The following PAXBP1 variants were observed in gnomAD, a reference collection of about 807,000 sequenced individuals.
PAXBP1 encodes PAX3- and PAX7-binding protein 1.
PAXBP1 carries 44 observed loss-of-function variants against 119.9 expected under a neutral mutation model. That is an observed-to-expected ratio of 0.37 (90% CI 0.29 to 0.47). The LOEUF is 0.47. PAXBP1 is among the 20% of genes least tolerant of loss of function. PAXBP1 has a pLI of 0.99. For synonymous variants in PAXBP1, 393 were observed against 406.6 expected (o/e 0.97, Z 0.40); for missense variants, 898 against 1,134.1 (o/e 0.79, Z 2.99).
intron 15 of PAXBP1, 191 bp downstream of exon 15, chr21:32,743,057 T>G: frequency 4.4e-6 from 3 of 676,764 alleles, no homozygotes; most frequent in Non-Finnish European, 5.5e-6. Flanking sequence ...AACTCAGAAA[T>G]CACTTTCTCC....
chr21:32,742,855 T>C (rs1182797516), intron 15 of PAXBP1: 1 of 334,230 alleles, frequency 3.0e-6, no homozygotes, highest in East Asian at 7.8e-5. Flanking sequence ...AGTTAAACTT[T>C]ATCATAGGTA....
At chr21:32,760,034 A>G in intron 5 of PAXBP1, 40 bp from the exon 6 acceptor site, 4 of 1,499,430 alleles carry the variant, frequency 2.7e-6, no homozygotes, top group Non-Finnish European at 3.7e-6. Flanking sequence ...CTGGTAGTTA[A>G]AACTTTGAAA....
At position 32,734,054 on chromosome 21, in the gene PAXBP1, G is replaced by C. The variant is rs2043658632; in HGVS notation, c.*896C>G. On this transcript the variant is annotated 3_prime_UTR_variant, in exon 18 of 18. Transcript: ENST00000331923. ...AAGTTCTCTGAATATTTACAATGTG[G>C]TATAAACATTATAGAAGACCATGGA... 1 of 152,590 alleles carries C rather than the reference G, an allele frequency of 6.6e-6. No individual in the cohort carries two copies. The highest frequency in any genetic ancestry group is 1.5e-5 in the Non-Finnish European group (1 of 68,040). The allele number at this position is 152,590 out of a possible 1,614,324, so 9.5% of individuals were successfully genotyped here.
intron 2 of PAXBP1, among the ~76,000 whole-genome samples, chr21:32,766,539 C>A (rs1289336022): frequency 6.6e-6 from 1 of 152,136 alleles, no homozygotes; most frequent in African/African-American, 2.4e-5. Flanking sequence ...AAAGAGCTTT[C>A]CCACTTGACT....
At chr21:32,738,658 TGCA>T (rs1461566117) in intron 15 of PAXBP1, among the ~76,000 whole-genome samples, 1 of 152,058 alleles carries the variant, frequency 6.6e-6, no homozygotes, top group Non-Finnish European at 1.5e-5. Flanking sequence ...GCTGGTTCTA[TGCA>T]CACCCCCACC....
At chr21:32,749,786 C>T (rs1420516014) in intron 10 of PAXBP1, among the ~76,000 whole-genome samples, 1 of 152,038 alleles carries the variant, frequency 6.6e-6, no homozygotes, top group African/African-American at 2.4e-5. Context: ...TATGAGGAAA[C>T]ATACAGACCA....
chr21:32,762,911 CA>C (rs763196446), intron 3 of PAXBP1, among the ~76,000 whole-genome samples: 973 of 47,922 alleles, frequency 0.02, 4 homozygotes, highest in African/African-American at 0.057. Flanking sequence ...AACTCCGTCT[CA>C]AAAAAAAAAA....
chr21:32,762,068 G>T (rs370370503), intron 4 of PAXBP1, 28 bp downstream of exon 4: 1 of 1,612,532 alleles, frequency 6.2e-7, no homozygotes, highest in East Asian at 2.2e-5. Context: ...CAATGCAATA[G>T]GCTTACTATT....
chr21:32,761,807 C>A (rs1443721228), intron 4 of PAXBP1, among the ~76,000 whole-genome samples: 3 of 152,086 alleles, frequency 2.0e-5, no homozygotes, highest in Non-Finnish European at 2.9e-5. Flanking sequence ...GAGGCCAAGG[C>A]AGGAGGATCT....
intron 2 of PAXBP1, among the ~76,000 whole-genome samples, chr21:32,767,866 T>A (rs919643740): frequency 2.0e-5 from 3 of 152,238 alleles, no homozygotes; most frequent in African/African-American, 7.2e-5. Flanking sequence ...CAGGCCTTTC[T>A]CAGTTGTCAC....
chr21:32,738,137 A>T, intron 16 of PAXBP1, 36 bp downstream of exon 16: 3 of 1,485,928 alleles, frequency 2.0e-6, no homozygotes, highest in Non-Finnish European at 2.7e-6. Flanking sequence ...ATTTTAAATT[A>T]TATGCTTTAA....
chr21:32,770,081 AGTCT>A, intron 1 of PAXBP1, 139 bp from the exon 2 acceptor site: 1 of 619,820 alleles, frequency 1.6e-6, no homozygotes, highest in Admixed American at 4.0e-5. Context: ...AATTATTTCA[AGTCT>A]GTCACAGACT....
chr21:32,752,388 G>A (rs1021727476), intron 8 of PAXBP1, among the ~76,000 whole-genome samples: 7 of 148,342 alleles, frequency 4.7e-5, no homozygotes, highest in Non-Finnish European at 1.0e-4. Context: ...TCATTTCTAC[G>A]TTTTAGTTCC....
Position 32,743,710 on chromosome 21 carries a change from A to G in PAXBP1, c.2235T>C (p.Asp745=). The G allele has an allele frequency of 1.3e-6, 2 of 1,595,654 alleles. No homozygotes were observed. Among genetic ancestry groups the G allele is most frequent in the Non-Finnish European group, 1.7e-6 (2 of 1,166,390 alleles). The change falls in exon 14 of 18, where the codon GAT becomes GAC. Residue 745 remains aspartate (D), a synonymous_variant. Transcript: ENST00000331923. The stretch of plus-strand genomic sequence containing the variant: ...GATATAAGGGCATAAATACATCATC[A>G]TCTAAAGTTCTTCTCATTCTCAATA... ...ALLLRMRRTL[D]DDVFMPLYPK...
Position 32,771,536 on chromosome 21 carries a change from C to G in PAXBP1, c.133G>C (p.Gly45Arg). The change falls in exon 1 of 18, where the codon GGT becomes CGT. Residue 45 changes from glycine (G) to arginine (R), a missense_variant. Gly to Arg is a moderately radical substitution (Grantham distance 125, BLOSUM62 -2). Around this residue, in one of 2 missense-constraint regions of PAXBP1, gnomAD observed 299 missense variants for 281.4 expected, o/e 1.06. Coordinates refer to ENST00000331923, the MANE Select transcript of PAXBP1 (RefSeq NM_016631.4). ...PPGTGEEAGP[G>R]GGDRAPGGES... Reference sequence around the variant, plus strand: ...CCGCCAGGGGCCCTGTCGCCGCCACCGGGGCCCGCCTCTTCGCCCGTGCCC... The same window carrying G: ...CCGCCAGGGGCCCTGTCGCCGCCACGGGGGCCCGCCTCTTCGCCCGTGCCC... 6 of 1,358,104 alleles carry G rather than the reference C, an allele frequency of 4.4e-6. No individual in the cohort carries two copies. The Admixed American group carries it at 2.3e-4, about 53-fold the overall frequency. The allele number at this position is 1,358,104 out of a possible 1,614,324, so 84.1% of individuals were successfully genotyped here. A position where few individuals can be genotyped will look rare whatever the true frequency, so the allele number is the denominator to read the frequency against.
At chr21:32,767,290 TA>T (rs940134163) in intron 2 of PAXBP1, among the ~76,000 whole-genome samples, 13 of 152,326 alleles carry the variant, frequency 8.5e-5, no homozygotes, top group African/African-American at 2.4e-4. Context: ...GATTGCCAAT[TA>T]ATGACAGACC....
chr21:32,769,294 TG>T (rs780749366), intron 2 of PAXBP1, among the ~76,000 whole-genome samples: 38 of 152,260 alleles, frequency 2.5e-4, no homozygotes, highest in Non-Finnish European at 5.0e-4. Flanking sequence ...AAGAGATGTC[TG>T]TACAATATAC....
rs879015919 is a variant in PAXBP1, at chr21:32,745,485, G to C, written c.2068+89C>G. ...ATTATTTCTCATGTAATTTCTATAA[G>C]GAAACATGCTCTGAATTATAAACTC... On this transcript the variant is annotated intron_variant, in intron 12 of 17. Transcript: ENST00000331923. The C allele has an allele frequency of 6.5e-6, 10 of 1,529,686 alleles. No homozygotes were observed. The South Asian group carries it at 1.2e-4, about 18-fold the overall frequency. 94.8% of individuals were successfully genotyped at this position (1,529,686 alleles called of 1,614,324 possible). A position where few individuals can be genotyped will look rare whatever the true frequency, so the allele number is the denominator to read the frequency against.
intron 4 of PAXBP1, among the ~76,000 whole-genome samples, chr21:32,761,655 T>C (rs1238171321): frequency 2.0e-5 from 3 of 152,226 alleles, no homozygotes; most frequent in Non-Finnish European, 4.4e-5. Flanking sequence ...TCACATTTAA[T>C]AGCATTAGAG....
Sources: gnomAD v4.1 joint callset for allele counts (sites outside exome capture counted in the v4.1 genomes callset) on GRCh38, gnomAD v4.1.1 for gene constraint, gnomAD v4.1.1 regional missense constraint, MANE v1.5 for transcripts, NCBI Gene and HGNC (gene_info 2026-07-23, HGNC 2026-07-21) for gene names.